The following SLC12A1 variants were observed in gnomAD, a reference collection of about 807,000 sequenced individuals.
SLC12A1 encodes the protein solute carrier family 12 member 1, also known as Na-K-2Cl cotransporter.
Under a neutral mutation model 130.4 loss-of-function variants are expected in SLC12A1, and 89 were observed. That is an observed-to-expected ratio of 0.68 (90% CI 0.58 to 0.81). SLC12A1 has a LOEUF of 0.81. Ranked by LOEUF, SLC12A1 falls within the 40% of genes least tolerant of loss-of-function variation. SLC12A1 has a pLI of 0.00. For synonymous variants in SLC12A1, 499 were observed against 460.0 expected, an observed-to-expected ratio of 1.08 and a Z score of -1.09; for missense variants, 1,310 against 1,336.4, an observed-to-expected ratio of 0.98 and a Z score of 0.31.
At chr15:48,240,916 A>G (rs1484143165) in intron 9 of SLC12A1, among the ~76,000 whole-genome samples, 4 of 152,032 alleles carry the variant, frequency 2.6e-5, no homozygotes, top group African/African-American at 9.7e-5. Context: ...AGAAAAGCCC[A>G]TTTTCTGGTT....
rs191316366 is a variant in SLC12A1 at position 48,268,250 on chromosome 15, T to C, written c.2295+549T>C. ...AATCCCATAGTTCTCACATCTTTTT[T>C]CCCTTATTTTTTCCTTTTTCCTTCA... On this transcript the variant is annotated intron_variant, in intron 18 of 26. Coordinates refer to ENST00000380993, the MANE Select transcript of SLC12A1 (RefSeq NM_000338.3). Among the ~76,000 whole-genome samples, 9 of 152,262 alleles carry C rather than the reference T, an allele frequency of 5.9e-5. No individual in the cohort carries two copies. In the East Asian group the frequency reaches 1.7e-3, roughly 29 times the overall value.
chr15:48,244,646 G>T, intron 10 of SLC12A1, 107 bp from the exon 11 acceptor site: 2 of 1,094,348 alleles, frequency 1.8e-6, no homozygotes, highest in Non-Finnish European at 2.7e-6. Flanking sequence ...GTGAACAGAG[G>T]CTAAGAAATG....
At chr15:48,234,806 C>A in intron 8 of SLC12A1, 71 bp from the exon 9 acceptor site, 1 of 1,454,934 alleles carries the variant, frequency 6.9e-7, no homozygotes. Flanking sequence ...ACTAGGGAAG[C>A]CAATGGTAAC....
intron 23 of SLC12A1, among the ~76,000 whole-genome samples, chr15:48,288,981 C>G (rs1251686271): frequency 1.3e-5 from 2 of 152,118 alleles, no homozygotes. Flanking sequence ...CTAGCCCCAG[C>G]TCTGCCATCA....
At chr15:48,239,581 T>A (rs2041478655) in intron 9 of SLC12A1, among the ~76,000 whole-genome samples, 1 of 151,452 alleles carries the variant, frequency 6.6e-6, no homozygotes, top group African/African-American at 2.4e-5. Flanking sequence ...GAATCTCATG[T>A]GACTCCTGTT....
intron 14 of SLC12A1, 60 bp from the exon 15 acceptor site, chr15:48,251,555 A>G: frequency 7.5e-7 from 1 of 1,337,558 alleles, no homozygotes; most frequent in East Asian, 2.3e-5. Context: ...CATTCTTCTA[A>G]TATTCAGTGC....
At chr15:48,268,241 C>T (rs2041854757) in intron 18 of SLC12A1, among the ~76,000 whole-genome samples, 1 of 152,136 alleles carries the variant, frequency 6.6e-6, no homozygotes, top group African/African-American at 2.4e-5. Flanking sequence ...ATAGTTCTCA[C>T]ATCTTTTTTC....
At position 48,276,921 on chromosome 15, in the gene SLC12A1, A is replaced by T. The variant is rs116227635; in HGVS notation, c.2485+2268A>T. On this transcript the variant is annotated intron_variant, in intron 20 of 26. Transcript: ENST00000380993. ...TAATCAACATTGCCAAATGCAGCAG[A>T]AATGTACAGTAAGATCATGAATCAA... Among the ~76,000 whole-genome samples the T allele has an allele frequency of 6.5e-3, 997 of 152,330 alleles. 7 individuals are homozygous for T. The highest frequency in any genetic ancestry group is 0.023 in the African/African-American group (955 of 41,572).
chr15:48,302,642 A>AAAAAAAAAAAAT, intron 26 of SLC12A1, 108 bp from the exon 27 acceptor site: 1 of 636,174 alleles, frequency 1.6e-6, no homozygotes, highest in Non-Finnish European at 2.4e-6. Flanking sequence ...AAAAAAAAAA[A>AAAAAAAAAAAAT]AAAAAAAATT....
At chr15:48,207,200 AATATTCTC>A (rs1343056492) in intron 1 of SLC12A1, among the ~76,000 whole-genome samples, 1 of 152,182 alleles carries the variant, frequency 6.6e-6, no homozygotes, top group Non-Finnish European at 1.5e-5. Flanking sequence ...TTAGGCTGAG[AATATTCTC>A]ATCAGCTCTT....
chr15:48,247,796 T>C (rs1161908794), intron 13 of SLC12A1, among the ~76,000 whole-genome samples: 2 of 152,176 alleles, frequency 1.3e-5, no homozygotes, highest in African/African-American at 4.8e-5. Context: ...CAGAATTGAA[T>C]TGCCTGTTAG....
At chr15:48,252,529 T>C (rs2141066049) in intron 15 of SLC12A1, among the ~76,000 whole-genome samples, 1 of 152,270 alleles carries the variant, frequency 6.6e-6, no homozygotes, top group African/African-American at 2.4e-5. Context: ...TGATACAATA[T>C]AGTAACCACT....
At chr15:48,269,006 A>G (rs2041862897) in intron 18 of SLC12A1, among the ~76,000 whole-genome samples, 1 of 152,196 alleles carries the variant, frequency 6.6e-6, no homozygotes, top group Admixed American at 6.5e-5. Context: ...GAAGTACAGG[A>G]GAACCATGGC....
intron 16 of SLC12A1, among the ~76,000 whole-genome samples, chr15:48,256,827 C>CA (rs145127207): frequency 7.6e-5 from 11 of 144,162 alleles, no homozygotes; most frequent in East Asian, 4.3e-4. Flanking sequence ...CCCTGGCCCC[C>CA]CCCCCCAAAT....
intron 9 of SLC12A1, among the ~76,000 whole-genome samples, chr15:48,240,271 T>C (rs919881172): frequency 6.6e-6 from 1 of 151,910 alleles, no homozygotes; most frequent in African/African-American, 2.4e-5. Flanking sequence ...GTAGGCCCCA[T>C]CACAGTCATG....
rs141918545 is a variant in SLC12A1 at position 48,274,683 on chromosome 15, T to A, written c.2485+30T>A. ...GTACTTTCTTTATTCAACCAACAAGTATTTATTGAGCACCTACTTTGTGCC... is the reference window on the plus strand; with the variant it reads ...GTACTTTCTTTATTCAACCAACAAGAATTTATTGAGCACCTACTTTGTGCC... On this transcript the variant is annotated intron_variant, in intron 20 of 26. Coordinates refer to ENST00000380993, the MANE Select transcript of SLC12A1 (RefSeq NM_000338.3). The A allele has an allele frequency of 3.4e-5, 51 of 1,479,074 alleles. No homozygotes were observed. The Admixed American group carries it at 7.8e-4, about 22-fold the overall frequency. 91.6% of individuals were successfully genotyped at this position (1,479,074 alleles called of 1,614,324 possible). A position where few individuals can be genotyped will look rare whatever the true frequency, so the allele number is the denominator to read the frequency against.
chr15:48,213,301 C>G (rs1374034799), intron 2 of SLC12A1, among the ~76,000 whole-genome samples: 1 of 152,156 alleles, frequency 6.6e-6, no homozygotes, highest in Non-Finnish European at 1.5e-5. Flanking sequence ...CACACTCTGT[C>G]ATGATGGGCT....
At chr15:48,248,059 C>CATCAACTTAAACTTGCACATTT (rs1955157636) in intron 13 of SLC12A1, among the ~76,000 whole-genome samples, 1 of 152,206 alleles carries the variant, frequency 6.6e-6, no homozygotes, top group African/African-American at 2.4e-5. Context: ...GAGGCACATT[C>CATCAACTTAAACTTGCACATTT]ATCAACTTAA....
At position 48,285,263 on chromosome 15, in the gene SLC12A1, A is replaced by T; in HGVS notation, c.2629+14A>T. On this transcript the variant is annotated intron_variant, in intron 21 of 26. Transcript: ENST00000380993. ...CGCCTAAAAAAGGTAAGAACTTTTTAAAATTTGCAAAAAAGTTTACAAGAT... is the reference window on the plus strand; with the variant it reads ...CGCCTAAAAAAGGTAAGAACTTTTTTAAATTTGCAAAAAAGTTTACAAGAT... 6.2e-7 allele frequency: 1 copy of T among 1,612,782 alleles called. No individual in the cohort carries two copies. Among genetic ancestry groups the T allele is most frequent in the Non-Finnish European group, 8.5e-7 (1 of 1,179,410 alleles).
Sources: gnomAD v4.1 joint callset for allele counts (sites outside exome capture counted in the v4.1 genomes callset) on GRCh38, gnomAD v4.1.1 for gene constraint, MANE v1.5 for transcripts, NCBI Gene and HGNC (gene_info 2026-07-23, HGNC 2026-07-21) for gene names.